Variants in SHISA6 observed in about 807,000 individuals in gnomAD.
The protein encoded by SHISA6 is shisa family member 6.
A neutral mutation model predicts 47.9 loss-of-function variants in SHISA6; 22 were observed. That is an observed-to-expected ratio of 0.46 (90% CI 0.33 to 0.66). The LOEUF is 0.66. Among genes scored for constraint, SHISA6 ranks in the 30% least tolerant of loss-of-function variants. SHISA6 has a pLI of 0.02. For synonymous variants in SHISA6, 388 were observed against 337.8 expected (o/e 1.15, Z -1.63); for missense variants, 680 against 764.6 (o/e 0.89, Z 1.30).
At chr17:11,404,617 A>C (rs564187089) in intron 3 of SHISA6, among the ~76,000 whole-genome samples, 17 of 152,166 alleles carry the variant, frequency 1.1e-4, no homozygotes, top group Non-Finnish European at 1.2e-4. Flanking sequence ...GTGAGGCATG[A>C]TTCACAGGGA....
chr17:11,246,213 G>A (rs370385219), intron 1 of SHISA6, among the ~76,000 whole-genome samples: 13 of 152,200 alleles, frequency 8.5e-5, no homozygotes, highest in Non-Finnish European at 1.9e-4. Context: ...ATGCTTCGCC[G>A]GGTGCGGTGG....
intron 1 of SHISA6, 75 bp downstream of exon 1, chr17:11,242,135 C>T (rs1907391712): frequency 2.0e-6 from 3 of 1,528,902 alleles, no homozygotes; most frequent in Admixed American, 4.0e-5. Context: ...CTGTCCTCTT[C>T]ACTCTCGGCA....
chr17:11,249,093 G>A (rs545805687), intron 1 of SHISA6, among the ~76,000 whole-genome samples: 7 of 148,512 alleles, frequency 4.7e-5, no homozygotes, highest in East Asian at 2.0e-4. Flanking sequence ...AGCCGAGATC[G>A]CGCCACTGCA....
intron 2 of SHISA6, among the ~76,000 whole-genome samples, chr17:11,277,280 T>TCTCTCTCTCTCTCACACACA (rs1386997909): frequency 4.5e-4 from 24 of 53,912 alleles, no homozygotes; most frequent in South Asian, 2.2e-3. Context: ...TCTCTCTCTC[T>TCTCTCTCTCTCTCACACACA]CACACACACA....
intron 2 of SHISA6, among the ~76,000 whole-genome samples, chr17:11,345,063 A>G (rs749409766): frequency 6.6e-6 from 1 of 152,174 alleles, no homozygotes; most frequent in Non-Finnish European, 1.5e-5. Flanking sequence ...TATTTCACTT[A>G]ACATAATATC....
chr17:11,521,200 T>C (rs544314571), intron 3 of SHISA6, among the ~76,000 whole-genome samples: 10 of 152,262 alleles, frequency 6.6e-5, no homozygotes, highest in Non-Finnish European at 1.3e-4. Context: ...TCTTAAACAC[T>C]ATTAACCAGT....
At position 11,557,288 on chromosome 17, in the gene SHISA6, T is replaced by C. The variant is rs534151958; in HGVS notation, c.1106-466T>C. Among the ~76,000 whole-genome samples, 13 of 152,354 alleles carry C rather than the reference T, an allele frequency of 8.5e-5. No homozygotes were observed. In the South Asian group the frequency reaches 2.5e-3, roughly 29 times the overall value. On this transcript the variant is annotated intron_variant, in intron 5 of 5. Coordinates refer to ENST00000441885, the MANE Select transcript of SHISA6 (RefSeq NM_207386.4). ...TCAGGAAGCTTCAAGAGCTGCTATT[T>C]GGATGTTTTAGTAAGACAGATAGTC...
intron 3 of SHISA6, among the ~76,000 whole-genome samples, chr17:11,429,860 GA>G (rs35447521): frequency 0.038 from 5,132 of 136,264 alleles, 113 homozygotes; most frequent in South Asian, 0.08. Flanking sequence ...CATAGGAATT[GA>G]AAAAAAAAAA....
Position 11,277,274 on chromosome 17 carries a change from TCTCTCTCACACACA to T in SHISA6, c.799+13750_799+13763del, listed in dbSNP as rs1364173210. ...CTCTCTCTCTCTCTCTCTCTCTCTC[TCTCTCTCACACACA>T]CACACACACACACACACACACACAC... is the stretch of plus-strand genomic sequence containing the variant. On this transcript the variant is annotated intron_variant, in intron 2 of 5. Transcript: ENST00000441885. Among the ~76,000 whole-genome samples, 331 of 64,720 alleles carry T rather than the reference TCTCTCTCACACACA, an allele frequency of 5.1e-3. 2 individuals are homozygous for T. Among genetic ancestry groups the T allele is most frequent in the African/African-American group, 0.013 (246 of 19,646 alleles). 42.5% of individuals were successfully genotyped at this position (64,720 alleles called of 152,430 possible). A position where few individuals can be genotyped will look rare whatever the true frequency, so the allele number is the denominator to read the frequency against.
intron 3 of SHISA6, chr17:11,380,422 G>T (rs912135236): frequency 6.6e-6 from 1 of 152,134 alleles, no homozygotes; most frequent in East Asian, 1.9e-4. Context: ...TGTATTTTCT[G>T]TTGTGTCTAT....
chr17:11,278,071 C>T (rs928570295), intron 2 of SHISA6, among the ~76,000 whole-genome samples: 2 of 152,282 alleles, frequency 1.3e-5, no homozygotes, highest in Non-Finnish European at 1.5e-5. Context: ...GCTTCTACCA[C>T]AAACCGTTGG....
At chr17:11,389,111 A>G (rs1254863985) in intron 3 of SHISA6, among the ~76,000 whole-genome samples, 1 of 152,106 alleles carries the variant, frequency 6.6e-6, no homozygotes, top group Non-Finnish European at 1.5e-5. Flanking sequence ...GCACTCAAGC[A>G]TGGGACAAGT....
At chr17:11,332,910 C>A (rs1412093280) in intron 2 of SHISA6, among the ~76,000 whole-genome samples, 2 of 152,136 alleles carry the variant, frequency 1.3e-5, no homozygotes, top group Non-Finnish European at 2.9e-5. Flanking sequence ...GTCATTGTCT[C>A]TCGGGTGGTG....
intron 2 of SHISA6, among the ~76,000 whole-genome samples, chr17:11,372,878 T>C (rs1475560163): frequency 1.3e-5 from 2 of 152,116 alleles, no homozygotes; most frequent in African/African-American, 2.4e-5. Context: ...ATAATGCATT[T>C]CAAGCAGGCT....
intron 2 of SHISA6, among the ~76,000 whole-genome samples, chr17:11,280,666 A>G (rs940615015): frequency 6.6e-6 from 1 of 152,240 alleles, no homozygotes; most frequent in African/African-American, 2.4e-5. Context: ...AGGGTAAATA[A>G]GACTTGAATG....
intron 3 of SHISA6, among the ~76,000 whole-genome samples, chr17:11,470,526 G>A (rs8068890): frequency 3.9e-5 from 6 of 152,130 alleles, no homozygotes; most frequent in South Asian, 2.1e-4. Flanking sequence ...TTTGATTCTC[G>A]TCTGCAAGTA....
chr17:11,316,307 G>A (rs1420600189), intron 2 of SHISA6, among the ~76,000 whole-genome samples: 1 of 143,960 alleles, frequency 6.9e-6, no homozygotes, highest in African/African-American at 2.6e-5. Context: ...CAGTAAACAA[G>A]GTTTGGGTTT....
At chr17:11,487,650 C>T (rs1916385725) in intron 3 of SHISA6, among the ~76,000 whole-genome samples, 2 of 152,136 alleles carry the variant, frequency 1.3e-5, no homozygotes, top group Non-Finnish European at 1.5e-5. Flanking sequence ...GTACTAATGC[C>T]CCTGACTCTT....
At chr17:11,306,074 C>A (rs1286382524) in intron 2 of SHISA6, among the ~76,000 whole-genome samples, 1 of 152,182 alleles carries the variant, frequency 6.6e-6, no homozygotes, top group Non-Finnish European at 1.5e-5. Flanking sequence ...GAAAAAATAG[C>A]TCATTTTACT....
Sources: allele counts gnomAD v4.1 joint callset (sites outside exome capture counted in the v4.1 genomes callset), GRCh38; gene constraint gnomAD v4.1.1; transcripts MANE v1.5; gene names NCBI Gene and HGNC (gene_info 2026-07-23, HGNC 2026-07-21).